Variants in GARRE1 observed in about 807,000 individuals in gnomAD.
The protein encoded by GARRE1 is granule associated Rac and RHOG effector protein 1.
GARRE1 carries 49 observed loss-of-function variants against 103.2 expected under a neutral mutation model. The observed-to-expected ratio is 0.47, with a 90% CI of 0.38 to 0.60. The LOEUF is 0.60. GARRE1 is among the 20% of genes least tolerant of loss of function. GARRE1 has a pLI of 0.00. For synonymous variants in GARRE1, 505 were observed against 532.8 expected, an observed-to-expected ratio of 0.95 and a Z score of 0.72; for missense variants, 1,199 against 1,370.5, an observed-to-expected ratio of 0.87 and a Z score of 1.98.
At chr19:34,311,680 G>A (rs1476465001) in intron 2 of GARRE1, among the ~76,000 whole-genome samples, 1 of 151,946 alleles carries the variant, frequency 6.6e-6, no homozygotes, top group East Asian at 1.9e-4. Context: ...GTGCGATCTC[G>A]GCTCACTGCA....
chr19:34,302,994 C>T (rs889608566), intron 2 of GARRE1, among the ~76,000 whole-genome samples: 7 of 152,114 alleles, frequency 4.6e-5, no homozygotes, highest in African/African-American at 1.7e-4. Flanking sequence ...ATCCACCCAC[C>T]TCATCCTTCC....
At chr19:34,295,058 A>G (rs1401588204) in intron 1 of GARRE1, among the ~76,000 whole-genome samples, 1 of 152,246 alleles carries the variant, frequency 6.6e-6, no homozygotes, top group African/African-American at 2.4e-5. Context: ...TAAGTCAGGT[A>G]AAATACAGAG....
At chr19:34,267,782 T>G (rs1040991546) in intron 1 of GARRE1, among the ~76,000 whole-genome samples, 1 of 147,476 alleles carries the variant, frequency 6.8e-6, no homozygotes, top group African/African-American at 2.5e-5. Flanking sequence ...GTTTTTTTGT[T>G]TTTTTTTTTT....
chr19:34,341,909 G>A lies in GARRE1; in HGVS notation c.1975G>A (p.Gly659Ser). Reference sequence around the variant, plus strand: ...AGATTTTCTCTCGGGCTTTAACATGGGCCAGTCACATCAGGGCTCTCCGTT... The same window carrying A: ...AGATTTTCTCTCGGGCTTTAACATGAGCCAGTCACATCAGGGCTCTCCGTT... ...VIDFLSGFNM[G>S]QSHQGSPLVT... The change falls in exon 10 of 14, where the codon GGC (glycine) becomes AGC (serine). Residue 659 changes from glycine (G) to serine (S), a missense_variant. Transcript: ENST00000299505. 1 of 1,614,130 alleles carries A rather than the reference G, an allele frequency of 6.2e-7. No individual in the cohort carries two copies. The highest frequency in any genetic ancestry group is 8.5e-7 in the Non-Finnish European group (1 of 1,180,026).
At chr19:34,307,698 CATATATACTTAT>C (rs1158451323) in intron 2 of GARRE1, among the ~76,000 whole-genome samples, 1 of 120,776 alleles carries the variant, frequency 8.3e-6, no homozygotes, top group East Asian at 2.3e-4. Context: ...CTTATATATA[CATATATACTTAT>C]ATATATACTA....
intron 1 of GARRE1, among the ~76,000 whole-genome samples, chr19:34,290,217 G>A (rs138575538): frequency 2.0e-5 from 3 of 152,130 alleles, no homozygotes; most frequent in East Asian, 3.9e-4. Context: ...TTAACTGGGC[G>A]TGGTGCTGTA....
rs1463002863 is a variant in GARRE1 at position 34,341,735 on chromosome 19, A to G, written c.1801A>G (p.Thr601Ala). The change falls in exon 10 of 14, where the codon ACA becomes GCA. Residue 601 changes from threonine (T) to alanine (A), a missense_variant. Thr to Ala is a moderately conservative substitution (Grantham distance 58). Coordinates refer to ENST00000299505, the MANE Select transcript of GARRE1 (RefSeq NM_014686.5). Reference protein sequence around the residue: ...ILNIGNFPRTTDPSQSAQNSS... With the variant: ...ILNIGNFPRTADPSQSAQNSS... Reference sequence around the variant, plus strand: ...GAACATTGGTAATTTCCCCAGGACTACAGACCCTTCACAGTCAGCTCAGAA... The same window carrying G: ...GAACATTGGTAATTTCCCCAGGACTGCAGACCCTTCACAGTCAGCTCAGAA... 1 of 1,614,250 alleles carries G rather than the reference A, an allele frequency of 6.2e-7. No homozygotes were observed.
Position 34,352,922 on chromosome 19 carries a change from T to G in GARRE1, c.3180T>G (p.Gly1060=). The G allele has an allele frequency of 6.7e-7, 1 of 1,494,826 alleles. No homozygotes were observed. The highest frequency in any genetic ancestry group is 9.0e-7 in the Non-Finnish European group (1 of 1,107,762). The allele number at this position is 1,494,826 out of a possible 1,614,324, so 92.6% of individuals were successfully genotyped here. The change falls in exon 14 of 14, where the codon GGT becomes GGG. Residue 1060 remains glycine, a synonymous_variant. Coordinates refer to ENST00000299505, the MANE Select transcript of GARRE1 (RefSeq NM_014686.5). ...PKGFKAFPGK[G]ERRPAYLPQY is the part of the protein sequence containing the mutation. ...GCTTCAAGGCCTTCCCTGGGAAGGG[T>G]GAGCGCAGGCCAGCCTATCTGCCCC...
At chr19:34,333,045 T>G (rs1236066946) in intron 7 of GARRE1, among the ~76,000 whole-genome samples, 6 of 152,138 alleles carry the variant, frequency 3.9e-5, no homozygotes, top group African/African-American at 9.7e-5. Context: ...GGTTTGACTT[T>G]TTTGTTTGTT....
chr19:34,345,375 C>G (rs1425374585), intron 10 of GARRE1, among the ~76,000 whole-genome samples: 1 of 152,258 alleles, frequency 6.6e-6, no homozygotes. Flanking sequence ...GAAGGGTAAA[C>G]ACCTCCATCC....
chr19:34,281,414 C>A (rs1194680494), intron 1 of GARRE1, among the ~76,000 whole-genome samples: 2 of 152,308 alleles, frequency 1.3e-5, no homozygotes, highest in East Asian at 3.8e-4. Context: ...CCTCAGCCTC[C>A]CTGGTAGCTG....
At position 34,330,204 on chromosome 19, in the gene GARRE1, C is replaced by G. The variant is rs750787213; in HGVS notation, c.1120C>G (p.Leu374Val). The change falls in exon 7 of 14, where the codon CTG becomes GTG. Residue 374 changes from leucine to valine, a missense_variant. Transcript: ENST00000299505. ...LKLKTHTMLQ[L>V]MKEAGCYNGI... ...CAATCTATAGCATACAATGTTACAG[C>G]TGATGAAGGAGGCAGGCTGCTATAA... is the stretch of plus-strand genomic sequence containing the variant. 6.2e-7 allele frequency: 1 copy of G among 1,613,888 alleles called. No individual in the cohort carries two copies. The highest frequency in any genetic ancestry group is 8.5e-7 in the Non-Finnish European group (1 of 1,179,820).
At chr19:34,323,500 T>G (rs984455490) in intron 3 of GARRE1, among the ~76,000 whole-genome samples, 1 of 152,238 alleles carries the variant, frequency 6.6e-6, no homozygotes, top group South Asian at 2.1e-4. Flanking sequence ...TGTTTTGGTC[T>G]GTCTTTCATG....
At position 34,354,223 on chromosome 19, in the gene GARRE1, T is replaced by A. The variant is rs922403540; in HGVS notation, c.*1268T>A. The A allele has an allele frequency of 5.3e-5, 8 of 152,300 alleles. No homozygotes were observed. Among genetic ancestry groups the A allele is most frequent in the Non-Finnish European group, 1.0e-4 (7 of 68,014 alleles). 9.4% of individuals were successfully genotyped at this position (152,300 alleles called of 1,614,324 possible). ...AGTTTGACAGTATTAATATTTTTTT[T>A]ATATTTTCTTAAATCATTAAACCAT... On this transcript the variant is annotated 3_prime_UTR_variant, in exon 14 of 14. Transcript: ENST00000299505.
rs1269609050 is a variant in GARRE1, at chr19:34,349,081, C to G, written c.2753C>G (p.Ser918Cys). ...GDSASSSDET[S>C]SANGDSLFSM... ...TCTGCCAGCTCGAGTGATGAGACAT[C>G]CTCAGCCAACGGGGACAGCTTGTTC... Residue 918 changes from serine to cysteine, a missense_variant, in exon 12 of 14, where the codon TCC becomes TGC. Physicochemically the swap from Ser to Cys is moderately radical, Grantham distance 112 (BLOSUM62 -1). Transcript: ENST00000299505. The G allele has an allele frequency of 6.2e-7, 1 of 1,612,820 alleles. No individual in the cohort carries two copies.
intron 3 of GARRE1, among the ~76,000 whole-genome samples, chr19:34,324,007 A>G (rs2074100996): frequency 6.6e-6 from 1 of 151,714 alleles, no homozygotes; most frequent in African/African-American, 2.4e-5. Flanking sequence ...CCTCTTCACA[A>G]CCATCTTTTC....
Position 34,347,537 on chromosome 19 carries a change from A to G in GARRE1, c.2522-340A>G, listed in dbSNP as rs147739186. Reference sequence around the variant, plus strand: ...CCACTGTGCCTGGCTGATGCTGGAAATTTTTTAAGTAATTAGTATTTGTCT... The same window carrying G: ...CCACTGTGCCTGGCTGATGCTGGAAGTTTTTTAAGTAATTAGTATTTGTCT... On this transcript the variant is annotated intron_variant, in intron 10 of 13. Coordinates refer to ENST00000299505, the MANE Select transcript of GARRE1 (RefSeq NM_014686.5). Among the ~76,000 whole-genome samples the G allele has an allele frequency of 6.6e-4, 101 of 152,318 alleles. 1 individual carries two copies. Among genetic ancestry groups the G allele is most frequent in the African/African-American group, 2.4e-3 (100 of 41,560 alleles).
In GARRE1 at chr19:34,348,089, C is replaced by T. The variant is rs1479871863; in HGVS notation, c.2687+47C>T. Reference sequence around the variant, plus strand: ...GAATCTGAGCTTGAGACCCAGGTGTCCCCCGAGGGGCCTGTGAGAAGAGAG... The same window carrying T: ...GAATCTGAGCTTGAGACCCAGGTGTTCCCCGAGGGGCCTGTGAGAAGAGAG... On this transcript the variant is annotated intron_variant, in intron 11 of 13. Transcript: ENST00000299505. The T allele has an allele frequency of 2.9e-6, 4 of 1,372,344 alleles. No individual in the cohort carries two copies. The Admixed American group carries it at 8.8e-5, about 30-fold the overall frequency. The allele number at this position is 1,372,344 out of a possible 1,614,324, so 85.0% of individuals were successfully genotyped here.
chr19:34,266,960 A>G (rs908876501), intron 1 of GARRE1, among the ~76,000 whole-genome samples: 5 of 152,090 alleles, frequency 3.3e-5, no homozygotes, highest in African/African-American at 9.7e-5. Flanking sequence ...GAGTGGCAGT[A>G]TAGAATTTTT....
Sources: allele counts gnomAD v4.1 joint callset (sites outside exome capture counted in the v4.1 genomes callset), GRCh38; gene constraint gnomAD v4.1.1; transcripts MANE v1.5; gene names NCBI Gene and HGNC (gene_info 2026-07-23, HGNC 2026-07-21).